TXLNB: variants seen among roughly 807,000 people sequenced by gnomAD.
TXLNB encodes taxilin beta, also known as beta-taxilin.
In TXLNB, 37 loss-of-function variants were observed where a neutral mutation model predicts 57.4. The observed-to-expected ratio is 0.64, with a 90% confidence interval of 0.50 to 0.85. TXLNB has a LOEUF of 0.85. Ranked by LOEUF, TXLNB falls within the 40% of genes least tolerant of loss-of-function variation. The pLI, the probability that TXLNB is intolerant of heterozygous loss-of-function variation, is 0.00. For missense variants in TXLNB, 848 were observed against 825.6 expected (o/e 1.03, Z -0.33); for synonymous variants, 302 against 309.6 (o/e 0.98, Z 0.26).
At chr6:139,167,027 A>C in the TXLNB span, 1 of 1,613,738 alleles carries the variant, frequency 6.2e-7, no homozygotes. Context: ...ACACTTCGAC[A>C]CCCCCGTGCA....
intron 4 of TXLNB, among the ~76,000 whole-genome samples, chr6:139,264,397 C>A (rs996667878): frequency 6.6e-6 from 1 of 151,820 alleles, no homozygotes; most frequent in Non-Finnish European, 1.5e-5. Flanking sequence ...ACACCCCATG[C>A]AAGTCTGAGT....
At chr6:139,296,828 G>T (rs958172389), upstream of TXLNB, among the ~76,000 whole-genome samples, 1 of 152,050 alleles carries the variant, frequency 6.6e-6, no homozygotes, top group African/African-American at 2.4e-5. Context: ...CGGGCGAGAG[G>T]ATCATTTGAA....
the TXLNB span, among the ~76,000 whole-genome samples, chr6:139,234,941 A>G: frequency 6.6e-6 from 1 of 152,256 alleles, no homozygotes; most frequent in Non-Finnish European, 1.5e-5. Context: ...GGAGCTGTCC[A>G]AGGCTACGGG....
At chr6:139,286,589 G>A (rs1228486276) in intron 2 of TXLNB, among the ~76,000 whole-genome samples, 4 of 152,230 alleles carry the variant, frequency 2.6e-5, no homozygotes, top group East Asian at 3.8e-4. Flanking sequence ...GTACCAGTCC[G>A]TGGCCTGTTA....
the TXLNB span, among the ~76,000 whole-genome samples, chr6:139,231,864 C>A: frequency 6.6e-6 from 1 of 152,136 alleles, no homozygotes; most frequent in African/African-American, 2.4e-5. Flanking sequence ...TGAGTACTAT[C>A]CTTGATTAAA....
the TXLNB span, chr6:139,201,846 ACCTTGCTAT>A: frequency 6.6e-6 from 1 of 152,114 alleles, no homozygotes; most frequent in Admixed American, 6.6e-5. Flanking sequence ...TGACTCAAAC[ACCTTGCTAT>A]AAACATGCTG....
the TXLNB span, among the ~76,000 whole-genome samples, chr6:139,169,267 T>C: frequency 9.3e-4 from 141 of 152,038 alleles, no homozygotes; most frequent in African/African-American, 2.6e-3. Context: ...CTTTATTTTA[T>C]ATATAATAAA....
the TXLNB span, among the ~76,000 whole-genome samples, chr6:139,175,807 G>A: frequency 2.8e-4 from 42 of 152,290 alleles, 1 homozygote; most frequent in Admixed American, 1.2e-3. Context: ...AGGAAAAACA[G>A]AACAGCATCC....
chr6:139,260,555 G>A, intron 5 of TXLNB, 118 bp from the exon 6 acceptor site: 1 of 1,118,170 alleles, frequency 8.9e-7, no homozygotes, highest in East Asian at 2.5e-5. Context: ...AAGAAGAGAG[G>A]GATAAATGCA....
chr6:139,227,939 G>A, the TXLNB span, among the ~76,000 whole-genome samples: 1 of 152,170 alleles, frequency 6.6e-6, no homozygotes, highest in East Asian at 1.9e-4. Flanking sequence ...GCTTGACTAT[G>A]CTCTATTTCT....
the TXLNB span, among the ~76,000 whole-genome samples, chr6:139,310,975 G>A: frequency 2.0e-5 from 3 of 152,342 alleles, no homozygotes; most frequent in Non-Finnish European, 2.9e-5. Flanking sequence ...GATTACAGGC[G>A]TGAGCCACCG....
chr6:139,165,544 T>G, the TXLNB span, among the ~76,000 whole-genome samples: 3 of 152,102 alleles, frequency 2.0e-5, no homozygotes, highest in Non-Finnish European at 4.4e-5. Context: ...AAAAATCCTC[T>G]GTGCTTCACC....
chr6:139,242,306 T>C lies in TXLNB; in HGVS notation c.*220A>G, dbSNP rs187188405. 217 of 390,850 alleles carry C rather than the reference T, an allele frequency of 5.6e-4. 1 individual carries two copies. Among genetic ancestry groups the C allele is most frequent in the Non-Finnish European group, 1.8e-5 (4 of 224,392 alleles). 24.2% of individuals were successfully genotyped at this position (390,850 alleles called of 1,614,324 possible). A position where few individuals can be genotyped will look rare whatever the true frequency, so the allele number is the denominator to read the frequency against. On this transcript the variant is annotated 3_prime_UTR_variant, in exon 10 of 10. Coordinates refer to ENST00000358430, the MANE Select transcript of TXLNB (RefSeq NM_153235.4). ...GTTTTGTTGCCCTTTGGGAAAATTA[T>C]ACTGTCAACCAGTGTTAAATAGAAA... is the stretch of plus-strand genomic sequence containing the variant.
At chr6:139,166,237 C>T in the TXLNB span, 4 of 1,475,020 alleles carry the variant, frequency 2.7e-6, no homozygotes, top group Non-Finnish European at 3.7e-6. Flanking sequence ...GTTGAGTACC[C>T]CTAATCCAAA....
At chr6:139,257,996 TG>T (rs937652077) in intron 6 of TXLNB, among the ~76,000 whole-genome samples, 3 of 152,158 alleles carry the variant, frequency 2.0e-5, no homozygotes, top group Admixed American at 6.6e-5. Context: ...GTGTCCCCTC[TG>T]GCCATCTGAG....
chr6:139,200,812 T>A, the TXLNB span, among the ~76,000 whole-genome samples: 6 of 152,204 alleles, frequency 3.9e-5, no homozygotes, highest in Non-Finnish European at 5.9e-5. Context: ...ATATTTTTCT[T>A]GTTACCCCTT....
At chr6:139,187,420 A>T in the TXLNB span, among the ~76,000 whole-genome samples, 392 of 108,062 alleles carry the variant, frequency 3.6e-3, 7 homozygotes, top group East Asian at 0.051. Flanking sequence ...TCCATTTTTT[A>T]AAATCTTTTG....
At chr6:139,213,101 T>G in the TXLNB span, among the ~76,000 whole-genome samples, 1 of 152,128 alleles carries the variant, frequency 6.6e-6, no homozygotes, top group Non-Finnish European at 1.5e-5. Context: ...ATCCAGGAAT[T>G]GAACTCAGCT....
chr6:139,166,732 C>G, the TXLNB span: 1 of 1,613,012 alleles, frequency 6.2e-7, no homozygotes, highest in African/African-American at 1.3e-5. Context: ...ACGACCTCCC[C>G]CGCCGGCATT....
Sources: allele counts gnomAD v4.1 joint callset (sites outside exome capture counted in the v4.1 genomes callset), GRCh38; gene constraint gnomAD v4.1.1; transcripts MANE v1.5; gene names NCBI Gene and HGNC (gene_info 2026-07-23, HGNC 2026-07-21).